Variants in ADAMTS9 observed in about 807,000 individuals in gnomAD.
The protein encoded by ADAMTS9 is A disintegrin and metalloproteinase with thrombospondin motifs 9.
ADAMTS9 carries 107 observed loss-of-function variants against 257.1 expected under a neutral mutation model. The ratio of observed to expected loss-of-function variants is 0.42; its 90% CI spans 0.36 to 0.49. The LOEUF (loss-of-function observed/expected upper bound fraction) is 0.49, where lower values mean the gene tolerates loss of function less well. Among genes scored for constraint, ADAMTS9 ranks in the 20% least tolerant of loss-of-function variants. ADAMTS9 has a pLI of 0.03. For missense variants in ADAMTS9, 2,353 were observed against 2,469.1 expected (o/e 0.95, Z 1.00); for synonymous variants, 982 against 880.9 (o/e 1.11, Z -2.03).
At chr3:64,578,390 T>C (rs1428102962) in intron 28 of ADAMTS9, among the ~76,000 whole-genome samples, 2 of 152,120 alleles carry the variant, frequency 1.3e-5, no homozygotes, top group Non-Finnish European at 2.9e-5. Context: ...GACTTGGCAT[T>C]GAAAAAGGCT....
At chr3:64,661,312 A>AACTTTCAATATAT (rs1221561419) in intron 3 of ADAMTS9, among the ~76,000 whole-genome samples, 1 of 152,194 alleles carries the variant, frequency 6.6e-6, no homozygotes, top group African/African-American at 2.4e-5. Context: ...TACATATATG[A>AACTTTCAATATAT]GCTTTCAATA....
intron 32 of ADAMTS9, among the ~76,000 whole-genome samples, chr3:64,542,942 C>T (rs1332714962): frequency 2.0e-5 from 3 of 151,968 alleles, no homozygotes; most frequent in Admixed American, 6.6e-5. Flanking sequence ...ATATCACCAC[C>T]AATCCCACAG....
chr3:64,604,359 A>C, intron 23 of ADAMTS9, 28 bp from the exon 24 acceptor site: 1 of 1,502,122 alleles, frequency 6.7e-7, no homozygotes, highest in East Asian at 2.3e-5. Flanking sequence ...AAAAAAAACA[A>C]AGTCACTTTC....
chr3:64,535,248 G>A (rs902087490), intron 37 of ADAMTS9, among the ~76,000 whole-genome samples: 2 of 152,022 alleles, frequency 1.3e-5, no homozygotes, highest in South Asian at 4.1e-4. Flanking sequence ...GCATGGTGGT[G>A]TGTGCCTGTA....
In ADAMTS9 at chr3:64,594,354, CAAATCTGGAA is replaced by C; in HGVS notation, c.4250_4259del (p.Phe1417Ter). The C allele has an allele frequency of 6.2e-7, 1 of 1,614,068 alleles. No individual in the cohort carries two copies. On this transcript the variant is annotated frameshift_variant, in exon 28 of 40. Coordinates refer to ENST00000498707, the MANE Select transcript of ADAMTS9 (RefSeq NM_182920.2). LOFTEE classifies it high-confidence loss of function. ...GAGGTTTATCAAGAATTTCACAGCTCAAATCTGGAAACCGTTCACCGTTGGACCGCTGACA... is the reference window on the plus strand; with the variant it reads ...GAGGTTTATCAAGAATTTCACAGCTCACCGTTCACCGTTGGACCGCTGACA...
intron 30 of ADAMTS9, among the ~76,000 whole-genome samples, chr3:64,554,932 T>C (rs568729833): frequency 6.6e-6 from 1 of 152,330 alleles, no homozygotes; most frequent in African/African-American, 2.4e-5. Flanking sequence ...TGGGTAGAAA[T>C]TTTCTTTGCT....
intron 29 of ADAMTS9, among the ~76,000 whole-genome samples, chr3:64,566,341 G>A (rs2083545629): frequency 1.3e-5 from 2 of 152,160 alleles, no homozygotes; most frequent in Admixed American, 1.3e-4. Context: ...TGTCTTGCCT[G>A]CTTTTCTTAT....
chr3:64,554,274 G>C lies in ADAMTS9; in HGVS notation c.4699-3212C>G, dbSNP rs538619064. 2.0e-5 allele frequency among the ~76,000 whole-genome samples: 3 copies of C among 152,306 alleles called. No homozygotes were observed. In the East Asian group the frequency reaches 5.8e-4, roughly 29 times the overall value. On this transcript the variant is annotated intron_variant, in intron 30 of 39. Transcript: ENST00000498707. ...ACTATTTTGCCAGCGGTGGAAAGGG[G>C]AGCTGGAAAAATTTACCTTGAATAT...
chr3:64,590,409 A>T lies in ADAMTS9; in HGVS notation c.4356+3849T>A, dbSNP rs148133462. ...GCCTACTTGCCTTTACAGTCTGCTG[A>T]TAAACACTGATTTTTTAAACATTGT... On this transcript the variant is annotated intron_variant, in intron 28 of 39. Transcript: ENST00000498707. 6.8e-4 allele frequency among the ~76,000 whole-genome samples: 103 copies of T among 152,330 alleles called. 2 individuals are homozygous for T. In the East Asian group the frequency reaches 0.018, roughly 27 times the overall value.
chr3:64,536,223 G>A (rs2083048241), intron 37 of ADAMTS9, among the ~76,000 whole-genome samples: 5 of 152,138 alleles, frequency 3.3e-5, no homozygotes, highest in Admixed American at 3.3e-4. Context: ...TCCAGTTTAG[G>A]GATCTGCATT....
intron 3 of ADAMTS9, among the ~76,000 whole-genome samples, chr3:64,679,933 C>T (rs967953632): frequency 6.6e-6 from 1 of 152,220 alleles, no homozygotes; most frequent in Admixed American, 6.5e-5. Context: ...TGCCCCTCTA[C>T]TCCTCATATC....
At chr3:64,528,352 C>A (rs1336627745) in intron 38 of ADAMTS9, among the ~76,000 whole-genome samples, 1 of 152,204 alleles carries the variant, frequency 6.6e-6, no homozygotes, top group East Asian at 1.9e-4. Context: ...TGAGGGTATA[C>A]AGCGTTGCTG....
intron 30 of ADAMTS9, among the ~76,000 whole-genome samples, chr3:64,556,752 T>TCCTC (rs1553702834): frequency 1.2e-4 from 18 of 148,344 alleles, no homozygotes; most frequent in East Asian, 2.0e-4. Flanking sequence ...CTTCCTTCCT[T>TCCTC]CCTCCCTCCC....
At chr3:64,577,742 G>C (rs1236728801) in intron 28 of ADAMTS9, among the ~76,000 whole-genome samples, 25 of 152,224 alleles carry the variant, frequency 1.6e-4, no homozygotes, top group Non-Finnish European at 3.5e-4. Context: ...TCAGGGGACA[G>C]AGCTGGAAAG....
intron 16 of ADAMTS9, 53 bp downstream of exon 16, chr3:64,631,401 TG>T: frequency 7.2e-7 from 1 of 1,384,748 alleles, no homozygotes; most frequent in Non-Finnish European, 1.0e-6. Flanking sequence ...AAGCAGTATC[TG>T]GCCACTGCTC....
At position 64,541,350 on chromosome 3, in the gene ADAMTS9, G is replaced by A; in HGVS notation, c.5357C>T (p.Ser1786Phe). ...CCCATAAACCTCGGAGAAATTCTCAGAGTCTCCATGCACCAGTGTCACGTA... is the reference window on the plus strand; with the variant it reads ...CCCATAAACCTCGGAGAAATTCTCAAAGTCTCCATGCACCAGTGTCACGTA... Reference protein sequence around the residue: ...KEYVTLVHGDSENFSEVYGHR... With the variant: ...KEYVTLVHGDFENFSEVYGHR... Residue 1786 changes from serine (S) to phenylalanine (F), a missense_variant, in exon 35 of 40, where the codon TCT becomes TTT. Around this residue, in one of 3 missense-constraint regions of ADAMTS9, gnomAD observed 1,402 missense variants for 1,441.4 expected, o/e 0.97. Transcript: ENST00000498707. 1.2e-6 allele frequency: 2 copies of A among 1,614,154 alleles called. No individual in the cohort carries two copies. The highest frequency in any genetic ancestry group is 1.7e-6 in the Non-Finnish European group (2 of 1,180,018).
intron 22 of ADAMTS9, among the ~76,000 whole-genome samples, chr3:64,611,075 CAAAAAAAAAAAA>C (rs34998404): frequency 1.1e-3 from 76 of 72,160 alleles, no homozygotes; most frequent in African/African-American, 3.7e-3. Context: ...GACTCTGTCT[CAAAAAAAAAAAA>C]AAAAAAAAAA....
intron 10 of ADAMTS9, 45 bp downstream of exon 10, chr3:64,649,592 T>C (rs753679223): frequency 4.5e-6 from 7 of 1,555,740 alleles, no homozygotes; most frequent in Non-Finnish European, 6.1e-6. Flanking sequence ...TAAAAAGAAG[T>C]GCAGAATCAG....
At chr3:64,616,419 C>T (rs1020312989) in intron 19 of ADAMTS9, among the ~76,000 whole-genome samples, 6 of 152,092 alleles carry the variant, frequency 3.9e-5, no homozygotes, top group African/African-American at 1.4e-4. Flanking sequence ...GATGATTTTA[C>T]CCCGATAGTC....
Sources: gnomAD v4.1 joint callset for allele counts (sites outside exome capture counted in the v4.1 genomes callset) on GRCh38, gnomAD v4.1.1 for gene constraint, gnomAD v4.1.1 regional missense constraint, MANE v1.5 for transcripts, NCBI Gene and HGNC (gene_info 2026-07-23, HGNC 2026-07-21) for gene names.